The following ZSCAN32 variants were observed in gnomAD, a reference collection of about 807,000 sequenced individuals.
ZSCAN32 encodes the protein zinc finger and SCAN domain containing 32.
Under a neutral mutation model 47.4 loss-of-function variants are expected in ZSCAN32, and 52 were observed. That is an observed-to-expected ratio of 1.10 (90% CI 0.88 to 1.38). The LOEUF (loss-of-function observed/expected upper bound fraction) is 1.38, where lower values mean the gene tolerates loss of function less well. ZSCAN32 is among the 40% of genes most tolerant of loss of function. ZSCAN32 has a pLI of 0.00. For synonymous variants in ZSCAN32, 346 were observed against 305.7 expected, an observed-to-expected ratio of 1.13 and a Z score of -1.38; for missense variants, 959 against 846.0, an observed-to-expected ratio of 1.13 and a Z score of -1.66.
chr16:3,397,397 G>A lies in ZSCAN32; in HGVS notation c.161C>T (p.Ala54Val). 6.4e-7 allele frequency: 1 copy of A among 1,553,572 alleles called. No individual in the cohort carries two copies. The highest frequency in any genetic ancestry group is 8.7e-7 in the Non-Finnish European group (1 of 1,148,750). ...CYQEVTGPHE[A>V]FSKLWELCCQ... Reference sequence around the variant, plus strand: ...ACAGAGTTCCCAGAGTTTGCTAAAAGCTTCATGTGGGCCAGTTACCTCCTG... The same window carrying A: ...ACAGAGTTCCCAGAGTTTGCTAAAAACTTCATGTGGGCCAGTTACCTCCTG... The change falls in exon 2 of 7, where the codon GCT (alanine) becomes GTT (valine). Residue 54 changes from alanine to valine, a missense_variant. Physicochemically the swap from Ala to Val is moderately conservative, Grantham distance 64. Coordinates refer to ENST00000396852, the MANE Select transcript of ZSCAN32 (RefSeq NM_001284527.2).
intron 2 of ZSCAN32, 113 bp from the exon 3 acceptor site, chr16:3,393,927 C>G (rs1035219878): frequency 1.1e-6 from 1 of 880,158 alleles, no homozygotes; most frequent in Non-Finnish European, 1.6e-6. Context: ...AGAGAAAAAT[C>G]TAGGAGCCAC....
At chr16:3,383,997 AG>A (rs1417606583) in intron 6 of ZSCAN32, 1 of 459,556 alleles carries the variant, frequency 2.2e-6, no homozygotes, top group Non-Finnish European at 3.8e-6. Flanking sequence ...ATCATCTGCC[AG>A]TCTGTTTATA....
chr16:3,385,781 A>G (rs2031905488), intron 5 of ZSCAN32, among the ~76,000 whole-genome samples: 1 of 152,238 alleles, frequency 6.6e-6, no homozygotes, highest in Non-Finnish European at 1.5e-5. Context: ...TACACCTTAT[A>G]CAAAAATTAA....
At chr16:3,388,473 G>A (rs1427927581) in intron 5 of ZSCAN32, among the ~76,000 whole-genome samples, 3 of 152,144 alleles carry the variant, frequency 2.0e-5, no homozygotes, top group Admixed American at 6.5e-5. Flanking sequence ...TGCGCTTATC[G>A]CCCTCTAACA....
Position 3,383,714 on chromosome 16 carries a change from GAAAA to G in ZSCAN32, c.1235-7_1235-4del, listed in dbSNP as rs369445206. 1.1e-4 allele frequency: 140 copies of G among 1,218,890 alleles called. No individual in the cohort carries two copies. The highest frequency in any genetic ancestry group is 1.3e-4 in the Non-Finnish European group (121 of 908,206). The allele number at this position is 1,218,890 out of a possible 1,614,324, so 75.5% of individuals were successfully genotyped here. ...AATCTCGTTCTTGAACTCAAAACCT[GAAAA>G]AAAAAAACCCCACAGAAATACAATG... is the stretch of plus-strand genomic sequence containing the variant. On this transcript the variant is annotated splice_region_variant and splice_polypyrimidine_tract_variant and intron_variant, in intron 6 of 6. Transcript: ENST00000396852.
Position 3,390,452 on chromosome 16 carries a change from C to T in ZSCAN32, c.598G>A (p.Gly200Ser). 6.5e-7 allele frequency: 1 copy of T among 1,550,244 alleles called. No homozygotes were observed. The highest frequency in any genetic ancestry group is 8.7e-7 in the Non-Finnish European group (1 of 1,146,974). The change falls in exon 4 of 7, where the codon GGT (glycine) becomes AGT (serine). Residue 200 changes from glycine to serine, a missense_variant. By Grantham distance (56) the Gly-to-Ser change is moderately conservative. Transcript: ENST00000396852. The part of the protein sequence containing the change: ...QNTGLHDQET[G>S]AVVWTAGSQG... ...GACCCAGCTGTCCAGACCACAGCACCTGTCTCCTGGTCGTGGAGACCTGTG... is the reference window on the plus strand; with the variant it reads ...GACCCAGCTGTCCAGACCACAGCACTTGTCTCCTGGTCGTGGAGACCTGTG...
intron 5 of ZSCAN32, 84 bp downstream of exon 5, chr16:3,389,926 T>C: frequency 7.2e-7 from 1 of 1,388,398 alleles, no homozygotes; most frequent in Admixed American, 2.4e-5. Context: ...CCACTCCCTC[T>C]GTCTCCCTCC....
chr16:3,394,485 G>T (rs935099318), intron 2 of ZSCAN32, among the ~76,000 whole-genome samples: 2 of 151,966 alleles, frequency 1.3e-5, no homozygotes, highest in Non-Finnish European at 2.9e-5. Context: ...CCTCGCATTG[G>T]TCCTCTCTCT....
intron 2 of ZSCAN32, among the ~76,000 whole-genome samples, chr16:3,396,134 T>C (rs927879328): frequency 6.6e-6 from 1 of 152,164 alleles, no homozygotes; most frequent in African/African-American, 2.4e-5. Context: ...CCACTCTATT[T>C]ATAATAGTTC....
chr16:3,389,644 G>A (rs931025079), intron 5 of ZSCAN32, among the ~76,000 whole-genome samples: 7 of 152,144 alleles, frequency 4.6e-5, no homozygotes, highest in African/African-American at 1.2e-4. Flanking sequence ...GGGGAAACTC[G>A]GGAGCGACTA....
Position 3,383,294 on chromosome 16 carries a change from C to T in ZSCAN32, c.1652G>A (p.Cys551Tyr), listed in dbSNP as rs1190425272. Residue 551 changes from cysteine to tyrosine, a missense_variant, in exon 7 of 7, where the codon TGC (cysteine) becomes TAC (tyrosine). Cys to Tyr is a radical substitution (Grantham distance 194, BLOSUM62 -2). Transcript: ENST00000396852. ...RIHTGEKPHK[C>Y]SECGKGFSER... ...ACTAAAGCCCTTCCCGCACTCACTG[C>T]ACTTGTGAGGCTTCTCGCCTGTGTG... 12 of 1,614,090 alleles carry T rather than the reference C, an allele frequency of 7.4e-6. No individual in the cohort carries two copies. The highest frequency in any genetic ancestry group is 1.7e-5 in the Admixed American group (1 of 60,006).
intron 6 of ZSCAN32, 48 bp downstream of exon 6, chr16:3,384,411 A>G: frequency 6.2e-7 from 1 of 1,609,524 alleles, no homozygotes; most frequent in Non-Finnish European, 8.5e-7. Context: ...AATGGCCTCT[A>G]AAGTGGACTT....
At chr16:3,398,506 TTCTC>T in intron 1 of ZSCAN32, among the ~76,000 whole-genome samples, 1 of 152,312 alleles carries the variant, frequency 6.6e-6, no homozygotes, top group South Asian at 2.1e-4. Context: ...ATTAAACTCT[TTCTC>T]TATTGCAGTT....
At chr16:3,393,217 T>TATAA (rs1390902481) in intron 3 of ZSCAN32, among the ~76,000 whole-genome samples, 3 of 14,522 alleles carry the variant, frequency 2.1e-4, no homozygotes, top group African/African-American at 1.3e-3. Flanking sequence ...TTTATATATA[T>TATAA]ATATATATAT....
rs561308355 is a variant in ZSCAN32, at chr16:3,383,651, A to C, written c.1295T>G (p.Val432Gly). Residue 432 changes from valine (V) to glycine (G), a missense_variant, in exon 7 of 7, where the codon GTA (valine) becomes GGA (glycine). Val to Gly is a moderately radical substitution (Grantham distance 109, BLOSUM62 -3). Transcript: ENST00000396852. ...TCTCTGTAAAGCCTTGTTTATTTCT[A>C]CTTCCTCTGAATCATCCCATTTTAG... ...ENLKWDDSEE[V>G]EINKALQRKS... 1.9e-6 allele frequency: 3 copies of C among 1,611,174 alleles called. No homozygotes were observed. The highest frequency in any genetic ancestry group is 2.5e-6 in the Non-Finnish European group (3 of 1,179,826).
chr16:3,388,561 G>A (rs1217506159), intron 5 of ZSCAN32, among the ~76,000 whole-genome samples: 1 of 152,138 alleles, frequency 6.6e-6, no homozygotes, highest in Non-Finnish European at 1.5e-5. Flanking sequence ...GTTCACTGTT[G>A]TATCCCTAAC....
chr16:3,388,797 C>G (rs765498796), intron 5 of ZSCAN32, among the ~76,000 whole-genome samples: 1 of 152,114 alleles, frequency 6.6e-6, no homozygotes, highest in Non-Finnish European at 1.5e-5. Flanking sequence ...CAGAATAGCT[C>G]AATCCACAGA....
chr16:3,383,795 G>A (rs570197593), intron 6 of ZSCAN32, 84 bp from the exon 7 acceptor site: 2 of 1,332,242 alleles, frequency 1.5e-6, no homozygotes, highest in East Asian at 2.4e-5. Context: ...ATACTACGTA[G>A]AAGAAATATC....
chr16:3,390,464 C>G lies in ZSCAN32; in HGVS notation c.586G>C (p.Asp196His). 1 of 1,549,846 alleles carries G rather than the reference C, an allele frequency of 6.5e-7. No homozygotes were observed. The highest frequency in any genetic ancestry group is 2.4e-5 in the East Asian group (1 of 40,910). ...CAGACCACAGCACCTGTCTCCTGGT[C>G]GTGGAGACCTGTGTTTTGAGGCAGG... The part of the protein sequence containing the change: ...RNLPQNTGLH[D>H]QETGAVVWTA... The change falls in exon 4 of 7, where the codon GAC (aspartate) becomes CAC (histidine). Residue 196 changes from aspartate to histidine, a missense_variant. Transcript: ENST00000396852.
Sources: allele counts gnomAD v4.1 joint callset (sites outside exome capture counted in the v4.1 genomes callset), GRCh38; gene constraint gnomAD v4.1.1; transcripts MANE v1.5; gene names NCBI Gene and HGNC (gene_info 2026-07-23, HGNC 2026-07-21).